Variants in TEDC2 observed in about 807,000 individuals in gnomAD.
The protein encoded by TEDC2 is tubulin epsilon and delta complex 2.
In TEDC2, 49 loss-of-function variants were observed where a neutral mutation model predicts 48.1. The observed-to-expected ratio is 1.02, with a 90% CI of 0.81 to 1.29. TEDC2 has a LOEUF of 1.29. TEDC2 is among the 50% of genes most tolerant of loss of function. The probability of loss-of-function intolerance (pLI) is 0.00; values close to 1 mark genes in which losing one functional copy is unlikely to be tolerated. For synonymous variants in TEDC2, 299 were observed against 247.1 expected (o/e 1.21, Z -1.97); for missense variants, 631 against 571.4 (o/e 1.10, Z -1.06).
chr16:2,463,105 A>G (rs534482359), intron 8 of TEDC2, among the ~76,000 whole-genome samples: 1 of 147,068 alleles, frequency 6.8e-6, no homozygotes, highest in Admixed American at 6.9e-5. Context: ...GTGGATCATG[A>G]GGTCAGGAGA....
chr16:2,461,372 G>A, intron 4 of TEDC2, 148 bp downstream of exon 4: 1 of 1,109,436 alleles, frequency 9.0e-7, no homozygotes, highest in Non-Finnish European at 1.2e-6. Context: ...GAAGCTGGCA[G>A]AATGAAGCAG....
intron 5 of TEDC2, 108 bp downstream of exon 5, chr16:2,461,908 C>A: frequency 7.2e-7 from 1 of 1,391,732 alleles, no homozygotes; most frequent in Non-Finnish European, 1.0e-6. Flanking sequence ...GTCCTCTTTG[C>A]TGAGTGGGAT....
Position 2,461,738 on chromosome 16 carries a change from C to T in TEDC2, c.606-9C>T. 1 of 1,613,284 alleles carries T rather than the reference C, an allele frequency of 6.2e-7. No homozygotes were observed. On this transcript the variant is annotated splice_polypyrimidine_tract_variant and intron_variant, in intron 4 of 9. Coordinates refer to ENST00000361837, the MANE Select transcript of TEDC2 (RefSeq NM_025108.3). ...GCGATGCTCCTCTGAACACGGGCTTCTCCGACAGGCACCTGCTGCGGCTGC... is the reference window on the plus strand; with the variant it reads ...GCGATGCTCCTCTGAACACGGGCTTTTCCGACAGGCACCTGCTGCGGCTGC...
Position 2,464,713 on chromosome 16 carries a change from G to T in TEDC2, c.*45G>T, listed in dbSNP as rs200846149. The T allele has an allele frequency of 5.8e-5, 94 of 1,609,510 alleles. No individual in the cohort carries two copies. The East Asian group carries it at 2.0e-3, about 34-fold the overall frequency. On this transcript the variant is annotated 3_prime_UTR_variant, in exon 10 of 10. Transcript: ENST00000361837. ...CGGCCTGTTCAGATGGGGATTGGGG[G>T]TGTCTTCCCTGGCACTGTGCTCGGG... is the stretch of plus-strand genomic sequence containing the variant.
intron 4 of TEDC2, 168 bp downstream of exon 4, chr16:2,461,392 G>C (rs925239541): frequency 3.1e-6 from 3 of 971,590 alleles, no homozygotes; most frequent in Non-Finnish European, 4.3e-6. Flanking sequence ...GCTGTGTGGT[G>C]GTGTCCAGGT....
intron 6 of TEDC2, 72 bp downstream of exon 6, chr16:2,462,311 C>T (rs1433183640): frequency 6.2e-7 from 1 of 1,603,424 alleles, no homozygotes; most frequent in Non-Finnish European, 8.5e-7. Flanking sequence ...AGAGCAGCCC[C>T]AGGAGGGGCT....
chr16:2,464,153 G>A lies in TEDC2; in HGVS notation c.1079G>A (p.Ser360Asn). Residue 360 changes from serine to asparagine, a missense_variant, in exon 9 of 10, where the codon AGC becomes AAC. Physicochemically the swap from Ser to Asn is conservative, Grantham distance 46. Coordinates refer to ENST00000361837, the MANE Select transcript of TEDC2 (RefSeq NM_025108.3). ...AGCCCCCAGCTGCTTGTCTACTCCA[G>A]CACCCAGGAGCTGCAGACCCTGGCG... ...AWSPQLLVYS[S>N]TQELQTLAAL... is the part of the protein sequence containing the mutation. 1.2e-6 allele frequency: 2 copies of A among 1,612,710 alleles called. No individual in the cohort carries two copies. Among genetic ancestry groups the A allele is most frequent in the Non-Finnish European group, 1.7e-6 (2 of 1,179,906 alleles).
At position 2,464,825 on chromosome 16, in the gene TEDC2, C is replaced by A; in HGVS notation, c.*157C>A. The A allele has an allele frequency of 9.6e-7, 1 of 1,037,442 alleles. No homozygotes were observed. The allele number at this position is 1,037,442 out of a possible 1,614,324, so 64.3% of individuals were successfully genotyped here. On this transcript the variant is annotated 3_prime_UTR_variant, in exon 10 of 10. Transcript: ENST00000361837. The stretch of plus-strand genomic sequence containing the variant: ...GCTCTTCTCAGGACAACTAAGCCTG[C>A]TGGTCAGGGCTGGCTTTCAGCCTTC...
At chr16:2,462,578 G>A (rs1211415160) in intron 7 of TEDC2, 52 bp downstream of exon 7, 1 of 1,555,156 alleles carries the variant, frequency 6.4e-7, no homozygotes, top group South Asian at 1.2e-5. Flanking sequence ...CCAGTGCAGG[G>A]AGGGTTTCCA....
Position 2,461,937 on chromosome 16 carries a change from T to G in TEDC2, c.659+137T>G. The G allele has an allele frequency of 2.4e-6, 3 of 1,263,408 alleles. No homozygotes were observed. The South Asian group carries it at 3.9e-5, about 16-fold the overall frequency. 78.3% of individuals were successfully genotyped at this position (1,263,408 alleles called of 1,614,324 possible). On this transcript the variant is annotated intron_variant, in intron 5 of 9. Coordinates refer to ENST00000361837, the MANE Select transcript of TEDC2 (RefSeq NM_025108.3). ...GTGGGATCACTGTCGATGTTAAAAA[T>G]CTGCCAGCCGGTCAGCTTTGTCCCC...
At position 2,464,507 on chromosome 16, in the gene TEDC2, C is replaced by A; in HGVS notation, c.1156-15C>A. 2 of 1,550,000 alleles carry A rather than the reference C, an allele frequency of 1.3e-6. No homozygotes were observed. Among genetic ancestry groups the A allele is most frequent in the Non-Finnish European group, 8.6e-7 (1 of 1,156,822 alleles). ...GTGCCCCTGAGACCTTGGCCCTGCC[C>A]TGCCCTGCCCCCAGGTCCTGATGGC... On this transcript the variant is annotated splice_polypyrimidine_tract_variant and intron_variant, in intron 9 of 9. Coordinates refer to ENST00000361837, the MANE Select transcript of TEDC2 (RefSeq NM_025108.3).
intron 9 of TEDC2, 47 bp downstream of exon 9, chr16:2,464,276 T>G: frequency 6.3e-7 from 1 of 1,583,144 alleles, no homozygotes; most frequent in Non-Finnish European, 8.6e-7. Flanking sequence ...TCCGCAGCCT[T>G]GAGGACCCGA....
At chr16:2,463,354 C>T (rs911143061) in intron 8 of TEDC2, among the ~76,000 whole-genome samples, 1 of 151,212 alleles carries the variant, frequency 6.6e-6, no homozygotes, top group South Asian at 2.1e-4. Flanking sequence ...AGGCCGGGCA[C>T]AGTGGCTCAC....
In TEDC2 at chr16:2,462,617, T is replaced by G. The variant is rs747323682; in HGVS notation, c.863-14T>G. 1.3e-5 allele frequency: 20 copies of G among 1,540,032 alleles called. No individual in the cohort carries two copies. Among genetic ancestry groups the G allele is most frequent in the Non-Finnish European group, 1.7e-5 (19 of 1,142,320 alleles). On this transcript the variant is annotated splice_polypyrimidine_tract_variant and intron_variant, in intron 7 of 9. Transcript: ENST00000361837. ...TGCCACGGGCCCCACCTGCTCTCCC[T>G]GACTCTTCTGCAGCCCCCATGGACT...
rs781650875 is a variant in TEDC2, at chr16:2,462,628, C to T, written c.863-3C>T. ...CCACCTGCTCTCCCTGACTCTTCTG[C>T]AGCCCCCATGGACTGGATGCAGGAG... On this transcript the variant is annotated splice_region_variant and splice_polypyrimidine_tract_variant and intron_variant, in intron 7 of 9. Transcript: ENST00000361837. The T allele has an allele frequency of 6.5e-7, 1 of 1,541,908 alleles. No homozygotes were observed. The highest frequency in any genetic ancestry group is 8.7e-7 in the Non-Finnish European group (1 of 1,143,458).
chr16:2,461,616 C>T (rs1254813455), intron 4 of TEDC2, 131 bp from the exon 5 acceptor site: 2 of 1,092,162 alleles, frequency 1.8e-6, no homozygotes, highest in Admixed American at 1.9e-5. Context: ...TCCAAGGGGG[C>T]TCATCCTTGG....
chr16:2,461,535 C>T, intron 4 of TEDC2: 1 of 656,158 alleles, frequency 1.5e-6, no homozygotes. Flanking sequence ...GCCCCGCTCA[C>T]AGGGCCCCCT....
chr16:2,463,975 A>G, intron 8 of TEDC2, 64 bp from the exon 9 acceptor site: 2 of 1,536,402 alleles, frequency 1.3e-6, no homozygotes, highest in Non-Finnish European at 1.8e-6. Flanking sequence ...GGCCAGGCAC[A>G]CAGGAAAAGC....
chr16:2,464,412 C>T, intron 9 of TEDC2, 110 bp from the exon 10 acceptor site: 2 of 1,355,842 alleles, frequency 1.5e-6, no homozygotes, highest in Non-Finnish European at 2.0e-6. Context: ...GAGCCTGGAG[C>T]CTCAGAAGGA....
Sources: allele counts gnomAD v4.1 joint callset (sites outside exome capture counted in the v4.1 genomes callset), GRCh38; gene constraint gnomAD v4.1.1; transcripts MANE v1.5; gene names NCBI Gene and HGNC (gene_info 2026-07-23, HGNC 2026-07-21).